Variants in CLOCK observed in about 807,000 individuals in gnomAD.
The protein encoded by CLOCK is circadian locomoter output cycles protein kaput.
A neutral mutation model predicts 118.4 loss-of-function variants in CLOCK; 43 were observed. The ratio of observed to expected loss-of-function variants is 0.36; its 90% CI spans 0.28 to 0.47. The LOEUF (loss-of-function observed/expected upper bound fraction) is 0.47, where lower values mean the gene tolerates loss of function less well. CLOCK is among the 20% of genes least tolerant of loss of function. The pLI, the probability that CLOCK is intolerant of heterozygous loss-of-function variation, is 1.00. For missense variants in CLOCK, 846 were observed against 999.9 expected, an observed-to-expected ratio of 0.85 and a Z score of 2.08; for synonymous variants, 326 against 339.2, an observed-to-expected ratio of 0.96 and a Z score of 0.43.
chr4:55,477,275 A>G (rs1726580669), intron 6 of CLOCK, among the ~76,000 whole-genome samples: 1 of 152,092 alleles, frequency 6.6e-6, no homozygotes, highest in Non-Finnish European at 1.5e-5. Flanking sequence ...TATGCATTTC[A>G]TTTCATTCAA....
chr4:55,503,456 GC>G (rs1201101597), intron 2 of CLOCK, among the ~76,000 whole-genome samples: 1 of 152,120 alleles, frequency 6.6e-6, no homozygotes, highest in African/African-American at 2.4e-5. Flanking sequence ...CTGTTAAGGG[GC>G]ATGAAGGAGG....
chr4:55,539,869 G>A (rs1166608252), intron 1 of CLOCK, among the ~76,000 whole-genome samples: 1 of 152,086 alleles, frequency 6.6e-6, no homozygotes, highest in Non-Finnish European at 1.5e-5. Context: ...TTGCACTGCA[G>A]TGGACTACAT....
chr4:55,437,699 C>T (rs1722993340), intron 22 of CLOCK, among the ~76,000 whole-genome samples: 1 of 152,128 alleles, frequency 6.6e-6, no homozygotes, highest in African/African-American at 2.4e-5. Context: ...GAGTAAGCAA[C>T]CTGCCAAAGG....
intron 1 of CLOCK, among the ~76,000 whole-genome samples, chr4:55,528,786 T>C (rs1217705096): frequency 6.6e-6 from 1 of 152,220 alleles, no homozygotes; most frequent in South Asian, 2.1e-4. Flanking sequence ...ATACTCTTTT[T>C]TTCCTAAAGA....
At chr4:55,484,034 G>A (rs766424834) in intron 3 of CLOCK, among the ~76,000 whole-genome samples, 9 of 152,072 alleles carry the variant, frequency 5.9e-5, no homozygotes, top group Non-Finnish European at 1.2e-4. Context: ...AACCAGAGAA[G>A]ATTAAAGATA....
chr4:55,472,605 T>G (rs893118706), intron 7 of CLOCK, among the ~76,000 whole-genome samples: 5 of 152,224 alleles, frequency 3.3e-5, no homozygotes, highest in African/African-American at 1.2e-4. Context: ...TTAATCCTTG[T>G]ATCTGCAGCA....
At chr4:55,523,218 T>A (rs999536779) in intron 1 of CLOCK, among the ~76,000 whole-genome samples, 1 of 152,052 alleles carries the variant, frequency 6.6e-6, no homozygotes, top group African/African-American at 2.4e-5. Flanking sequence ...GAGAATGGCA[T>A]GAATCTGGGA....
At chr4:55,498,788 G>T (rs773673010) in intron 2 of CLOCK, among the ~76,000 whole-genome samples, 1 of 152,226 alleles carries the variant, frequency 6.6e-6, no homozygotes, top group African/African-American at 2.4e-5. Context: ...AAATGAGGAC[G>T]TGTAGGTAGT....
intron 8 of CLOCK, among the ~76,000 whole-genome samples, chr4:55,464,948 C>T (rs1010254642): frequency 6.6e-6 from 1 of 152,152 alleles, no homozygotes; most frequent in Non-Finnish European, 1.5e-5. Flanking sequence ...GATGACCTTC[C>T]CCCCTCTCTA....
intron 21 of CLOCK, 43 bp downstream of exon 21, chr4:55,442,389 C>T (rs955725602): frequency 5.9e-6 from 9 of 1,514,350 alleles, no homozygotes; most frequent in Admixed American, 5.0e-5. Flanking sequence ...TCTAATCAAT[C>T]GGTTTACAAT....
At chr4:55,503,995 A>AAAAAAAAAAAC in intron 2 of CLOCK, among the ~76,000 whole-genome samples, 1 of 147,066 alleles carries the variant, frequency 6.8e-6, no homozygotes, top group Non-Finnish European at 1.5e-5. Context: ...AAAAAAAAAA[A>AAAAAAAAAAAC]AAAAAAAAGC....
chr4:55,539,557 A>G (rs1731118866), intron 1 of CLOCK, among the ~76,000 whole-genome samples: 1 of 113,346 alleles, frequency 8.8e-6, no homozygotes, highest in Non-Finnish European at 1.7e-5. Context: ...TGGGTGCCAG[A>G]GTGAGACCTT....
In CLOCK at chr4:55,430,201, A is replaced by G. The variant is rs575921755; in HGVS notation, c.*5214T>C. On this transcript the variant is annotated 3_prime_UTR_variant, in exon 23 of 23. Coordinates refer to ENST00000513440, the MANE Select transcript of CLOCK (RefSeq NM_004898.4). ...TAGTTTGATTGTCACTTAATGCAGC[A>G]CCTCAGTGTTTGCTGGTGGTGGTGA... The G allele has an allele frequency of 6.8e-6, 1 of 146,648 alleles. No individual in the cohort carries two copies. The highest frequency in any genetic ancestry group is 2.4e-5 in the African/African-American group (1 of 41,210). 9.1% of individuals were successfully genotyped at this position (146,648 alleles called of 1,614,324 possible).
intron 8 of CLOCK, among the ~76,000 whole-genome samples, chr4:55,469,492 T>G (rs557543662): frequency 6.6e-6 from 1 of 152,220 alleles, no homozygotes; most frequent in Non-Finnish European, 1.5e-5. Flanking sequence ...GATGACTCCA[T>G]GCCTATTGTT....
chr4:55,454,227 AG>A (rs1321360089), intron 13 of CLOCK, among the ~76,000 whole-genome samples: 1 of 152,186 alleles, frequency 6.6e-6, no homozygotes, highest in African/African-American at 2.4e-5. Flanking sequence ...CCAAAATCAA[AG>A]TAACTGAGTC....
intron 19 of CLOCK, among the ~76,000 whole-genome samples, chr4:55,444,400 G>A (rs1723615036): frequency 6.6e-6 from 1 of 151,930 alleles, no homozygotes; most frequent in African/African-American, 2.4e-5. Flanking sequence ...AATTTGGACT[G>A]GTAAAAAAAG....
intron 5 of CLOCK, among the ~76,000 whole-genome samples, chr4:55,479,358 GATT>G (rs573795540): frequency 3.6e-4 from 55 of 152,146 alleles, no homozygotes; most frequent in Non-Finnish European, 6.0e-4. Context: ...AGAAAAACTT[GATT>G]ATTTATAAAA....
In CLOCK at chr4:55,541,307, T is replaced by C. The variant is rs528551794; in HGVS notation, c.-290+5475A>G. Among the ~76,000 whole-genome samples the C allele has an allele frequency of 1.4e-4, 22 of 152,364 alleles. No individual in the cohort carries two copies. The East Asian group carries it at 4.0e-3, about 28-fold the overall frequency. On this transcript the variant is annotated intron_variant, in intron 1 of 22. Coordinates refer to ENST00000513440, the MANE Select transcript of CLOCK (RefSeq NM_004898.4). ...AGTAACAATTATATTGCTCTGACACTTGAGTGTTCTATAAATAATTCATAC... is the reference window on the plus strand; with the variant it reads ...AGTAACAATTATATTGCTCTGACACCTGAGTGTTCTATAAATAATTCATAC...
chr4:55,465,380 T>C (rs1010962124), intron 8 of CLOCK, among the ~76,000 whole-genome samples: 1 of 152,184 alleles, frequency 6.6e-6, no homozygotes, highest in Non-Finnish European at 1.5e-5. Flanking sequence ...AATTCCCCCA[T>C]GGATACCAAA....
Sources: allele counts gnomAD v4.1 joint callset (sites outside exome capture counted in the v4.1 genomes callset), GRCh38; gene constraint gnomAD v4.1.1; transcripts MANE v1.5; gene names NCBI Gene and HGNC (gene_info 2026-07-23, HGNC 2026-07-21).